Variants in SH3BGRL2 observed in about 807,000 individuals in gnomAD.
SH3BGRL2 encodes SH3 domain-binding glutamic acid-rich-like protein 2.
SH3BGRL2 carries 21 observed loss-of-function variants against 14.8 expected under a neutral mutation model. The ratio of observed to expected loss-of-function variants is 1.42; its 90% CI spans 1.01 to 2.05. The LOEUF is 2.05. SH3BGRL2 is among the 30% of genes most tolerant of loss of function. The probability of loss-of-function intolerance (pLI) is 0.00; values close to 1 mark genes in which losing one functional copy is unlikely to be tolerated. For missense variants in SH3BGRL2, 147 were observed against 130.8 expected (o/e 1.12, Z -0.61); for synonymous variants, 50 against 47.8 (o/e 1.05, Z -0.19).
chr6:79,689,282 A>ACC (rs1770162283), intron 2 of SH3BGRL2, among the ~76,000 whole-genome samples: 2 of 149,726 alleles, frequency 1.3e-5, no homozygotes, highest in Non-Finnish European at 1.5e-5. Context: ...GATAAGAAGC[A>ACC]CCCTGCTGGC....
intron 1 of SH3BGRL2, among the ~76,000 whole-genome samples, chr6:79,632,846 G>GGTA: frequency 6.6e-6 from 1 of 152,342 alleles, no homozygotes; most frequent in South Asian, 2.1e-4. Flanking sequence ...CTGTTTCAAG[G>GGTA]GTAGATTTGT....
the SH3BGRL2 span, among the ~76,000 whole-genome samples, chr6:79,539,814 A>T: frequency 6.6e-4 from 101 of 152,330 alleles, 1 homozygote; most frequent in East Asian, 0.018. Flanking sequence ...TAATTTGTAA[A>T]GTGGGGGGAC....
At chr6:79,661,640 A>G (rs997637410) in intron 1 of SH3BGRL2, among the ~76,000 whole-genome samples, 4 of 152,162 alleles carry the variant, frequency 2.6e-5, no homozygotes, top group Admixed American at 6.5e-5. Flanking sequence ...GTAGATGTCT[A>G]TTAGGTCCGC....
chr6:79,560,365 G>A, the SH3BGRL2 span, among the ~76,000 whole-genome samples: 77,163 of 151,962 alleles, frequency 0.51, 20,625 homozygotes, highest in Middle Eastern at 0.64. Flanking sequence ...ACATATAGTA[G>A]CATCAGACTG....
the SH3BGRL2 span, among the ~76,000 whole-genome samples, chr6:79,573,384 G>A: frequency 2.6e-5 from 4 of 151,966 alleles, no homozygotes; most frequent in Admixed American, 6.6e-5. Flanking sequence ...CCACACTATT[G>A]TAATTATAAT....
intron 2 of SH3BGRL2, among the ~76,000 whole-genome samples, chr6:79,684,446 A>G (rs1046523356): frequency 4.0e-5 from 6 of 151,566 alleles, no homozygotes; most frequent in Non-Finnish European, 1.5e-5. Flanking sequence ...CCTTTACCCT[A>G]TTTATCTTAG....
chr6:79,667,559 ACCTCAG>A (rs1343790510), intron 1 of SH3BGRL2, among the ~76,000 whole-genome samples: 1 of 151,752 alleles, frequency 6.6e-6, no homozygotes, highest in Non-Finnish European at 1.5e-5. Flanking sequence ...GGATTCTCCC[ACCTCAG>A]CCTCCTGAGT....
At chr6:79,538,031 T>TTG in the SH3BGRL2 span, among the ~76,000 whole-genome samples, 5 of 108,956 alleles carry the variant, frequency 4.6e-5, no homozygotes, top group South Asian at 1.4e-3. Context: ...TTTTTTTTTT[T>TTG]TTTTTTTTTT....
the SH3BGRL2 span, among the ~76,000 whole-genome samples, chr6:79,599,458 G>C: frequency 6.7e-6 from 1 of 148,756 alleles, no homozygotes; most frequent in Non-Finnish European, 1.5e-5. Flanking sequence ...TGCAACCTCC[G>C]CCTCCTGGGT....
the SH3BGRL2 span, among the ~76,000 whole-genome samples, chr6:79,615,147 T>G: frequency 0.18 from 26,779 of 152,050 alleles, 2,469 homozygotes; most frequent in South Asian, 0.22. Flanking sequence ...TTGGATTGAT[T>G]GGTTGGAAGC....
intron 1 of SH3BGRL2, among the ~76,000 whole-genome samples, chr6:79,633,018 C>G (rs1302022646): frequency 6.6e-6 from 1 of 152,170 alleles, no homozygotes; most frequent in Non-Finnish European, 1.5e-5. Context: ...CAAGTCGGAC[C>G]AAGTCAAGGT....
the SH3BGRL2 span, among the ~76,000 whole-genome samples, chr6:79,587,947 G>A: frequency 8.0e-5 from 12 of 150,192 alleles, no homozygotes; most frequent in African/African-American, 2.2e-4. Context: ...AGGCTGAGGC[G>A]GGCGGATCAC....
Position 79,696,510 on chromosome 6 carries a change from A to C in SH3BGRL2, c.257A>C (p.Lys86Thr). Residue 86 changes from lysine to threonine, a missense_variant, in exon 3 of 4, where the codon AAG becomes ACG. Coordinates refer to ENST00000369838, the MANE Select transcript of SH3BGRL2 (RefSeq NM_031469.4). ...GATTATGACAGTTTTTTTGAATCCA[A>C]GGAAAGCAACACAGTCTTTTCATTT... ...CGDYDSFFESKESNTVFSFLG... is the reference protein window; with the variant it reads ...CGDYDSFFESTESNTVFSFLG... The C allele has an allele frequency of 6.3e-7, 1 of 1,584,246 alleles. No individual in the cohort carries two copies. The highest frequency in any genetic ancestry group is 8.5e-7 in the Non-Finnish European group (1 of 1,172,182).
intron 2 of SH3BGRL2, among the ~76,000 whole-genome samples, chr6:79,692,814 G>T (rs1393596499): frequency 6.6e-6 from 1 of 152,012 alleles, no homozygotes; most frequent in African/African-American, 2.4e-5. Flanking sequence ...TTGTTCTTTT[G>T]GCTTAGGATT....
At chr6:79,575,163 A>G in the SH3BGRL2 span, 1 of 152,232 alleles carries the variant, frequency 6.6e-6, no homozygotes, top group East Asian at 1.9e-4. Context: ...ATGTCCATTT[A>G]GATGAAGCTT....
chr6:79,562,605 C>T, the SH3BGRL2 span, among the ~76,000 whole-genome samples: 1 of 152,144 alleles, frequency 6.6e-6, no homozygotes, highest in Admixed American at 6.6e-5. Context: ...TAGAAACACA[C>T]ACACTGACCA....
At chr6:79,559,782 A>G in the SH3BGRL2 span, among the ~76,000 whole-genome samples, 1 of 152,232 alleles carries the variant, frequency 6.6e-6, no homozygotes, top group South Asian at 2.1e-4. Context: ...AAAGAACATT[A>G]TGTATGCAAC....
At chr6:79,625,889 T>A in the SH3BGRL2 span, among the ~76,000 whole-genome samples, 2 of 152,172 alleles carry the variant, frequency 1.3e-5, no homozygotes, top group Non-Finnish European at 2.9e-5. Context: ...CCCTCTGGCC[T>A]ACCCCTTCCC....
chr6:79,580,191 T>C, the SH3BGRL2 span, among the ~76,000 whole-genome samples: 1 of 152,126 alleles, frequency 6.6e-6, no homozygotes, highest in Non-Finnish European at 1.5e-5. Context: ...TCCCACACAA[T>C]AATAATGGGA....
Sources: allele counts gnomAD v4.1 joint callset (sites outside exome capture counted in the v4.1 genomes callset), GRCh38; gene constraint gnomAD v4.1.1; transcripts MANE v1.5; gene names NCBI Gene and HGNC (gene_info 2026-07-23, HGNC 2026-07-21).